PGLYRP3: variants seen among roughly 807,000 people sequenced by gnomAD.
PGLYRP3 encodes the protein peptidoglycan recognition protein I alpha.
In PGLYRP3, 39 loss-of-function variants were observed where a neutral mutation model predicts 36.0. That is an observed-to-expected ratio of 1.08 (90% CI 0.84 to 1.41). The LOEUF is 1.41. PGLYRP3 is among the 40% of genes most tolerant of loss of function. PGLYRP3 has a pLI of 0.00. For synonymous variants in PGLYRP3, 204 were observed against 172.8 expected (o/e 1.18, Z -1.42); for missense variants, 407 against 427.9 (o/e 0.95, Z 0.43).
At chr1:153,309,964 A>G (rs1339531895) in intron 2 of PGLYRP3, among the ~76,000 whole-genome samples, 1 of 152,236 alleles carries the variant, frequency 6.6e-6, no homozygotes, top group Non-Finnish European at 1.5e-5. Context: ...TCTGAGTAGC[A>G]GAGGACAGAG....
rs78722033 is a variant in PGLYRP3, at chr1:153,305,951, G to A, written c.258-886C>T. On this transcript the variant is annotated intron_variant, in intron 3 of 7. Coordinates refer to ENST00000683862, the MANE Select transcript of PGLYRP3 (RefSeq NM_052891.3). ...AGCTGCATTGCAAAAACTGGAGATT[G>A]TCAAGTTGTCACTGTAGAAACCTGA... Among the ~76,000 whole-genome samples, 984 of 152,322 alleles carry A rather than the reference G, an allele frequency of 6.5e-3. 14 individuals are homozygous for A. Among genetic ancestry groups the A allele is most frequent in the African/African-American group, 0.023 (937 of 41,558 alleles).
At chr1:153,303,363 G>A (rs1659649858) in intron 5 of PGLYRP3, among the ~76,000 whole-genome samples, 1 of 152,228 alleles carries the variant, frequency 6.6e-6, no homozygotes, top group Non-Finnish European at 1.5e-5. Flanking sequence ...GCTTATGTAT[G>A]TCCTTCGTGT....
At position 153,297,581 on chromosome 1, in the gene PGLYRP3, G is replaced by GAAAGAAAGAAAGAAAGAAAGAAGGA. The variant is rs918244220; in HGVS notation, c.*374_*375insTCCTTCTTTCTTTCTTTCTTTCTTT. ...AAAGAAAAAGAAAGAAAGAAAGAAA[G>GAAAGAAAGAAAGAAAGAAAGAAGGA]AAGAAAGAAAGAAAGAAAGAAAGAG... On this transcript the variant is annotated 3_prime_UTR_variant, in exon 8 of 8. Transcript: ENST00000683862. Among the ~76,000 whole-genome samples, 1 of 48,436 alleles carries GAAAGAAAGAAAGAAAGAAAGAAGGA rather than the reference G, an allele frequency of 2.1e-5. No individual in the cohort carries two copies. The highest frequency in any genetic ancestry group is 6.9e-5 in the African/African-American group (1 of 14,518). The allele number at this position is 48,436 out of a possible 152,430, so 31.8% of individuals were successfully genotyped here.
Position 153,310,636 on chromosome 1 carries a change from G to T in PGLYRP3, c.30C>A (p.Phe10Leu), listed in dbSNP as rs1659871447. The T allele has an allele frequency of 6.2e-7, 1 of 1,614,152 alleles. No homozygotes were observed. Among genetic ancestry groups the T allele is most frequent in the East Asian group, 2.2e-5 (1 of 44,882 alleles). Residue 10 changes from phenylalanine to leucine, a missense_variant, in exon 2 of 8, where the codon TTC becomes TTA. Phe to Leu is a conservative substitution (Grantham distance 22). Transcript: ENST00000683862. The part of the protein sequence containing the change: MGTLPWLLA[F>L]FILGLQAWDT... The stretch of plus-strand genomic sequence containing the variant: ...CCCAAGCCTGGAGACCCAGAATGAA[G>T]AAGGCAAGAAGCCATGGCAGCGTCC...
chr1:153,302,513 G>A lies in PGLYRP3; in HGVS notation c.624C>T (p.His208=). The change falls in exon 6 of 8, where the codon CAC becomes CAT. Residue 208 remains histidine, a synonymous_variant. Transcript: ENST00000683862. ...NLPAKYVIII[H]TAGTSCTVST... The stretch of plus-strand genomic sequence containing the variant: ...ATACAGTGCAGCTTGTGCCAGCGGT[G>A]TGGATGATGATGACATATTTGGCTG... 3 of 1,614,222 alleles carry A rather than the reference G, an allele frequency of 1.9e-6. No individual in the cohort carries two copies. The highest frequency in any genetic ancestry group is 2.5e-6 in the Non-Finnish European group (3 of 1,180,038).
intron 1 of PGLYRP3, 139 bp from the exon 2 acceptor site, chr1:153,310,845 G>T: frequency 1.7e-6 from 1 of 593,964 alleles, no homozygotes. Flanking sequence ...GCTTCTCGGG[G>T]CCCCTTAAAC....
At chr1:153,303,148 A>G (rs1659642629) in intron 5 of PGLYRP3, among the ~76,000 whole-genome samples, 1 of 152,230 alleles carries the variant, frequency 6.6e-6, no homozygotes, top group South Asian at 2.1e-4. Context: ...ATTGATCCCA[A>G]GAAAAGGTCC....
At chr1:153,309,006 C>T (rs1659830669) in intron 2 of PGLYRP3, among the ~76,000 whole-genome samples, 1 of 151,616 alleles carries the variant, frequency 6.6e-6, no homozygotes, top group Non-Finnish European at 1.5e-5. Flanking sequence ...ACACACATGT[C>T]TTAATCACCT....
At chr1:153,310,531 A>G in intron 2 of PGLYRP3, 80 bp downstream of exon 2, 1 of 1,430,150 alleles carries the variant, frequency 7.0e-7, no homozygotes, top group South Asian at 1.1e-5. Flanking sequence ...AAGCACTCGG[A>G]TGGGTTTCTA....
intron 6 of PGLYRP3, among the ~76,000 whole-genome samples, chr1:153,299,454 A>T (rs1659531994): frequency 6.6e-6 from 1 of 152,068 alleles, no homozygotes; most frequent in Non-Finnish European, 1.5e-5. Context: ...ACTAAATCTG[A>T]CCCCTCCAAG....
chr1:153,299,502 C>G (rs993419495), intron 6 of PGLYRP3, among the ~76,000 whole-genome samples: 5 of 152,154 alleles, frequency 3.3e-5, no homozygotes, highest in Non-Finnish European at 7.3e-5. Flanking sequence ...ACAATGGACA[C>G]TTACTTTACT....
chr1:153,307,127 T>C lies in PGLYRP3; in HGVS notation c.196A>G (p.Met66Val). ...QCQQQSVCSQ[M>V]LRGLQSHSVY... ...GAATGGGACTGCAACCCCCGCAGCA[T>C]CTGGCTGCAAACGCTCTGCTGCTGG... The change falls in exon 3 of 8, where the codon ATG becomes GTG. Residue 66 changes from methionine (M) to valine (V), a missense_variant. Transcript: ENST00000683862. 1 of 1,613,508 alleles carries C rather than the reference T, an allele frequency of 6.2e-7. No individual in the cohort carries two copies. Among genetic ancestry groups the C allele is most frequent in the Non-Finnish European group, 8.5e-7 (1 of 1,179,762 alleles).
At chr1:153,302,003 A>T (rs540613146) in intron 6 of PGLYRP3, among the ~76,000 whole-genome samples, 20 of 152,224 alleles carry the variant, frequency 1.3e-4, no homozygotes, top group Non-Finnish European at 2.5e-4. Flanking sequence ...ACACCAGAGG[A>T]ATAGCAGGAT....
Position 153,303,910 on chromosome 1 carries a change from AG to A in PGLYRP3, c.475del (p.Leu159PhefsTer2). On this transcript the variant is annotated frameshift_variant, in exon 5 of 8. Coordinates refer to ENST00000683862, the MANE Select transcript of PGLYRP3 (RefSeq NM_052891.3). LOFTEE classifies it high-confidence loss of function. ...GTCCAGGCAGGTCTCTTCTTTCAGA[AG>A]AAGTGGCTGAATATACCTGGGCGAC... ...HLSPRYIQPL[L>X]LKEETCLDPQ... 1 of 1,613,754 alleles carries A rather than the reference AG, an allele frequency of 6.2e-7. No homozygotes were observed. Among genetic ancestry groups the A allele is most frequent in the Non-Finnish European group, 8.5e-7 (1 of 1,179,998 alleles).
chr1:153,309,221 ACCAGC>A (rs1431311592), intron 2 of PGLYRP3, among the ~76,000 whole-genome samples: 2 of 152,158 alleles, frequency 1.3e-5, no homozygotes, highest in Non-Finnish European at 2.9e-5. Context: ...TCTCCCACAG[ACCAGC>A]CCTGTGGTTA....
rs762355223 is a variant in PGLYRP3 at position 153,303,872 on chromosome 1, C to A, written c.514G>T (p.Val172Leu). The A allele has an allele frequency of 6.2e-7, 1 of 1,613,182 alleles. No homozygotes were observed. The highest frequency in any genetic ancestry group is 1.7e-5 in the Admixed American group (1 of 60,016). ...AGGGTCTTACCCTTCCTGGGCATCA[C>A]TGGATGTTGAGGGTCCAGGCAGGTC... ...EETCLDPQHPVMPRKVCPNII... is the reference protein window; with the variant it reads ...EETCLDPQHPLMPRKVCPNII... Residue 172 changes from valine (V) to leucine (L), a missense_variant, in exon 5 of 8, where the codon GTG becomes TTG. By Grantham distance (32) the Val-to-Leu change is conservative. Coordinates refer to ENST00000683862, the MANE Select transcript of PGLYRP3 (RefSeq NM_052891.3).
intron 3 of PGLYRP3, among the ~76,000 whole-genome samples, chr1:153,305,647 G>T (rs1659721748): frequency 6.6e-6 from 1 of 152,014 alleles, no homozygotes; most frequent in Non-Finnish European, 1.5e-5. Flanking sequence ...CTTCAGAATT[G>T]ATGTTTTCAC....
At chr1:153,304,490 T>G (rs1449350049) in intron 4 of PGLYRP3, among the ~76,000 whole-genome samples, 1 of 152,240 alleles carries the variant, frequency 6.6e-6, no homozygotes, top group Admixed American at 6.5e-5. Context: ...CCATATGTAT[T>G]ATTTCTCAGC....
In PGLYRP3 at chr1:153,302,582, A is replaced by G; in HGVS notation, c.555T>C (p.Ser185=). 6.2e-7 allele frequency: 1 copy of G among 1,614,204 alleles called. No homozygotes were observed. The highest frequency in any genetic ancestry group is 8.5e-7 in the Non-Finnish European group (1 of 1,180,038). ...AGTGTGTCTCTCTGGCTTCCCAAGC[A>G]GATCGTTTGATGATGTTGGGGCAAA... The part of the protein sequence containing the change: ...RKVCPNIIKR[S]AWEARETHCP... Residue 185 remains serine, a synonymous_variant, in exon 6 of 8, where the codon TCT becomes TCC. Transcript: ENST00000683862.
Sources: allele counts gnomAD v4.1 joint callset (sites outside exome capture counted in the v4.1 genomes callset), GRCh38; gene constraint gnomAD v4.1.1; transcripts MANE v1.5; gene names NCBI Gene and HGNC (gene_info 2026-07-23, HGNC 2026-07-21).